RPS6KA2: variants seen among roughly 807,000 people sequenced by gnomAD.
RPS6KA2 encodes the protein ribosomal protein S6 kinase alpha-2.
In RPS6KA2, 42 loss-of-function variants were observed where a neutral mutation model predicts 91.8. The observed-to-expected ratio is 0.46, with a 90% confidence interval of 0.36 to 0.59. The LOEUF (loss-of-function observed/expected upper bound fraction) is 0.59. Among genes scored for constraint, RPS6KA2 ranks in the 20% least tolerant of loss-of-function variants. The pLI is 0.00. For missense variants in RPS6KA2, 798 were observed against 978.5 expected, an observed-to-expected ratio of 0.82 and a Z score of 2.46; for synonymous variants, 414 against 393.6, an observed-to-expected ratio of 1.05 and a Z score of -0.61.
intron 17 of RPS6KA2, among the ~76,000 whole-genome samples, chr6:166,421,812 G>A (rs142635631): frequency 2.6e-5 from 4 of 152,194 alleles, no homozygotes; most frequent in East Asian, 1.9e-4. Context: ...TGAGGAAAAC[G>A]TCATTTTCCT....
intron 2 of RPS6KA2, among the ~76,000 whole-genome samples, chr6:166,723,740 G>A (rs184965489): frequency 1.3e-3 from 170 of 135,624 alleles, no homozygotes; most frequent in Middle Eastern, 7.9e-3. Context: ...TCATTCTGTC[G>A]CCCAGGCTGG....
chr6:166,710,435 T>C (rs1182081712), intron 2 of RPS6KA2, among the ~76,000 whole-genome samples: 1 of 152,120 alleles, frequency 6.6e-6, no homozygotes, highest in African/African-American at 2.4e-5. Flanking sequence ...AGTGTGTGTG[T>C]GTATGTGTAC....
rs186428519 is a variant in RPS6KA2, at chr6:166,580,057, G to A, written c.100-41273C>T. Among the ~76,000 whole-genome samples, 9 of 152,348 alleles carry A rather than the reference G, an allele frequency of 5.9e-5. No individual in the cohort carries two copies. In the East Asian group the frequency reaches 1.7e-3, roughly 29 times the overall value. Reference sequence around the variant, plus strand: ...CCGTCTTTCTATGACTCAGCCCGGAGGTTCTGGAGTTGTTGCCCCCATCAC... The same window carrying A: ...CCGTCTTTCTATGACTCAGCCCGGAAGTTCTGGAGTTGTTGCCCCCATCAC... On this transcript the variant is annotated intron_variant, in intron 1 of 20. Coordinates refer to ENST00000265678, the MANE Select transcript of RPS6KA2 (RefSeq NM_021135.6).
intron 2 of RPS6KA2, among the ~76,000 whole-genome samples, chr6:166,647,604 C>T (rs1057448155): frequency 6.6e-6 from 1 of 152,238 alleles, no homozygotes; most frequent in African/African-American, 2.4e-5. Context: ...CGCTCCCTAA[C>T]AGGAACTCTT....
chr6:166,780,494 G>C (rs1307757637), intron 2 of RPS6KA2, among the ~76,000 whole-genome samples: 3 of 152,196 alleles, frequency 2.0e-5, no homozygotes, highest in East Asian at 3.9e-4. Context: ...GGGACTGTGA[G>C]ACGACCAACC....
chr6:166,699,021 T>G (rs1386396839), intron 2 of RPS6KA2, among the ~76,000 whole-genome samples: 1 of 152,126 alleles, frequency 6.6e-6, no homozygotes, highest in Non-Finnish European at 1.5e-5. Context: ...GCCGAGTAGA[T>G]AGCAGGCATG....
intron 1 of RPS6KA2, among the ~76,000 whole-genome samples, chr6:166,577,435 G>A (rs1453649565): frequency 6.6e-6 from 1 of 152,218 alleles, no homozygotes. Context: ...CACAGGGGTG[G>A]AGCTGCCCAA....
intron 1 of RPS6KA2, among the ~76,000 whole-genome samples, chr6:166,576,641 C>T (rs1784844829): frequency 6.6e-6 from 1 of 152,116 alleles, no homozygotes; most frequent in Non-Finnish European, 1.5e-5. Flanking sequence ...TTCTAAGCAA[C>T]AAAGCATTCA....
At chr6:166,478,138 G>C (rs1429336474) in intron 10 of RPS6KA2, among the ~76,000 whole-genome samples, 2 of 152,220 alleles carry the variant, frequency 1.3e-5, no homozygotes. Context: ...GCGGCAGCTC[G>C]GCTGGGCGGG....
chr6:166,703,562 G>T (rs1789593672), intron 2 of RPS6KA2, among the ~76,000 whole-genome samples: 1 of 152,212 alleles, frequency 6.6e-6, no homozygotes, highest in South Asian at 2.1e-4. Flanking sequence ...CATCCAAGAG[G>T]CTGACATACA....
chr6:166,719,037 A>G (rs1467469324), intron 2 of RPS6KA2, among the ~76,000 whole-genome samples: 2 of 152,236 alleles, frequency 1.3e-5, no homozygotes, highest in Non-Finnish European at 2.9e-5. Context: ...ACTTTTCTCT[A>G]CATGTACAGG....
chr6:166,442,172 A>G (rs938577321), intron 14 of RPS6KA2, among the ~76,000 whole-genome samples: 7 of 152,232 alleles, frequency 4.6e-5, no homozygotes, highest in African/African-American at 1.7e-4. Flanking sequence ...TGCAGGTCCC[A>G]TGACTTGAGC....
intron 2 of RPS6KA2, among the ~76,000 whole-genome samples, chr6:166,832,043 TA>T (rs780606386): frequency 4.3e-5 from 6 of 139,384 alleles, no homozygotes; most frequent in African/African-American, 1.9e-4. Flanking sequence ...ACATGATAGA[TA>T]GATAGATAGA....
At position 166,610,951 on chromosome 6, in the gene RPS6KA2, T is replaced by C. The variant is rs73788066; in HGVS notation, c.99+15970A>G. Reference sequence around the variant, plus strand: ...TATCTGCATATTCTGGATTTTAGCCTGGGAGAGTATTATGAGAATGAGAAG... The same window carrying C: ...TATCTGCATATTCTGGATTTTAGCCCGGGAGAGTATTATGAGAATGAGAAG... On this transcript the variant is annotated intron_variant, in intron 1 of 20. Coordinates refer to ENST00000265678, the MANE Select transcript of RPS6KA2 (RefSeq NM_021135.6). 2.3e-3 allele frequency among the ~76,000 whole-genome samples: 346 copies of C among 152,278 alleles called. 3 individuals carry two copies. Among genetic ancestry groups the C allele is most frequent in the African/African-American group, 7.7e-3 (322 of 41,556 alleles).
chr6:166,568,099 A>C (rs1046353639), intron 1 of RPS6KA2, among the ~76,000 whole-genome samples: 16 of 152,206 alleles, frequency 1.1e-4, no homozygotes, highest in African/African-American at 3.6e-4. Flanking sequence ...CCAAGAGAAA[A>C]GGGGACACTG....
intron 2 of RPS6KA2, among the ~76,000 whole-genome samples, chr6:166,857,843 G>A (rs1780946683): frequency 6.6e-6 from 1 of 152,094 alleles, no homozygotes; most frequent in Non-Finnish European, 1.5e-5. Flanking sequence ...TCCAGTACAG[G>A]GAGCCCCACA....
rs569343678 is a variant in RPS6KA2 at position 166,500,734 on chromosome 6, A to G, written c.604+153T>C. Among the ~76,000 whole-genome samples the G allele has an allele frequency of 6.6e-6, 1 of 152,320 alleles. No individual in the cohort carries two copies. The highest frequency in any genetic ancestry group is 1.5e-5 in the Non-Finnish European group (1 of 68,028). On this transcript the variant is annotated intron_variant, in intron 7 of 20. Transcript: ENST00000265678. This position sits in a 1 kb window ranked among gnomAD's most constrained non-coding sequence, Gnocchi z 4.3. ...TATGAAGACATACAATGCCATAAGC[A>G]GTCTGTAGCTATAGAAAATTCTGCC...
chr6:166,741,851 G>T (rs1790824618), intron 2 of RPS6KA2, among the ~76,000 whole-genome samples: 2 of 152,222 alleles, frequency 1.3e-5, no homozygotes, highest in Non-Finnish European at 2.9e-5. Context: ...GCCAGGCCGG[G>T]CGCAGTGGCT....
chr6:166,557,617 G>T lies in RPS6KA2; in HGVS notation c.100-18833C>A, dbSNP rs1784214200. 6.6e-6 allele frequency among the ~76,000 whole-genome samples: 1 copy of T among 152,196 alleles called. No individual in the cohort carries two copies. ...GTTTTTGTGTCTGTTATTAAAAAATGTTTTAATGAAGTATTATACCACATA... is the reference window on the plus strand; with the variant it reads ...GTTTTTGTGTCTGTTATTAAAAAATTTTTTAATGAAGTATTATACCACATA... On this transcript the variant is annotated intron_variant, in intron 1 of 20. Coordinates refer to ENST00000265678, the MANE Select transcript of RPS6KA2 (RefSeq NM_021135.6). This position sits in a 1 kb window ranked among gnomAD's most constrained non-coding sequence, Gnocchi z 4.8.
Sources: allele counts gnomAD v4.1 joint callset (sites outside exome capture counted in the v4.1 genomes callset), GRCh38; gene constraint gnomAD v4.1.1; non-coding constraint Gnocchi (gnomAD v3.1); transcripts MANE v1.5; gene names NCBI Gene and HGNC (gene_info 2026-07-23, HGNC 2026-07-21).